Variants in LIFR observed in about 807,000 individuals in gnomAD.
The protein encoded by LIFR is LIF receptor subunit alpha.
A neutral mutation model predicts 122.2 loss-of-function variants in LIFR; 84 were observed. The observed-to-expected ratio is 0.69, with a 90% CI of 0.58 to 0.82. LIFR has a LOEUF of 0.82. Ranked by LOEUF, LIFR falls within the 40% of genes least tolerant of loss-of-function variation. The pLI is 0.00. For missense variants in LIFR, 1,294 were observed against 1,311.6 expected, an observed-to-expected ratio of 0.99 and a Z score of 0.21; for synonymous variants, 422 against 434.7, an observed-to-expected ratio of 0.97 and a Z score of 0.36.
At position 38,476,998 on chromosome 5, in the gene LIFR, T is replaced by C. The variant is rs1213279996; in HGVS notation, c.*4597A>G. The C allele has an allele frequency of 8.9e-6, 2 of 223,664 alleles. No homozygotes were observed. Among genetic ancestry groups the C allele is most frequent in the Non-Finnish European group, 1.8e-5 (2 of 112,202 alleles). The allele number at this position is 223,664 out of a possible 1,614,324, so 13.9% of individuals were successfully genotyped here. ...TATCATAATTACAAGGATCTGGATA[T>C]ATTCTAGACCAAATCACACTCCCTG... On this transcript the variant is annotated 3_prime_UTR_variant, in exon 20 of 20. Transcript: ENST00000453190.
Position 38,478,901 on chromosome 5 carries a change from A to T in LIFR, c.*2694T>A. On this transcript the variant is annotated 3_prime_UTR_variant, in exon 20 of 20. Coordinates refer to ENST00000453190, the MANE Select transcript of LIFR (RefSeq NM_001127671.2). ...AGTAAGGGCTGGAGAGAACACATCT[A>T]GCCTCTGCTTCTAACTAGTCCTTAA... The T allele has an allele frequency of 4.4e-6, 1 of 228,552 alleles. No individual in the cohort carries two copies. The highest frequency in any genetic ancestry group is 8.7e-6 in the Non-Finnish European group (1 of 115,026). The allele number at this position is 228,552 out of a possible 1,614,324, so 14.2% of individuals were successfully genotyped here. A position where few individuals can be genotyped will look rare whatever the true frequency, so the allele number is the denominator to read the frequency against.
chr5:38,491,972 G>A (rs1744617718), intron 14 of LIFR, among the ~76,000 whole-genome samples: 1 of 152,110 alleles, frequency 6.6e-6, no homozygotes. Flanking sequence ...TAAAAAAAGA[G>A]GCTGAGAAGG....
chr5:38,535,026 T>C (rs1277999390), intron 1 of LIFR, among the ~76,000 whole-genome samples: 2 of 152,208 alleles, frequency 1.3e-5, no homozygotes, highest in African/African-American at 4.8e-5. Context: ...ATGTATCACC[T>C]TCCGTGTACC....
chr5:38,482,295 C>A, intron 19 of LIFR, 77 bp from the exon 20 acceptor site: 1 of 1,401,532 alleles, frequency 7.1e-7, no homozygotes, highest in Non-Finnish European at 9.7e-7. Flanking sequence ...AAAAGGGACA[C>A]ATTTTTCCCC....
chr5:38,506,535 G>T lies in LIFR; in HGVS notation c.1089C>A (p.Gly363=), dbSNP rs1745494105. ...CTAAAGTGTAGCTTGTAGCACGTGG[G>T]CCCACCAACGCTGTCACCCTTCCTG... ...WNPGRVTALV[G]PRATSYTLVE... Residue 363 remains glycine (G), a synonymous_variant, in exon 8 of 20, where the codon GGC becomes GGA. Coordinates refer to ENST00000453190, the MANE Select transcript of LIFR (RefSeq NM_001127671.2). 1 of 1,613,768 alleles carries T rather than the reference G, an allele frequency of 6.2e-7. No homozygotes were observed. The highest frequency in any genetic ancestry group is 1.1e-5 in the South Asian group (1 of 91,066).
intron 1 of LIFR, among the ~76,000 whole-genome samples, chr5:38,535,038 A>C (rs1235965152): frequency 6.6e-6 from 1 of 152,220 alleles, no homozygotes; most frequent in Non-Finnish European, 1.5e-5. Context: ...CCGTGTACCC[A>C]TTCTCTGGAA....
At chr5:38,532,816 T>C (rs1037437740) in intron 1 of LIFR, among the ~76,000 whole-genome samples, 5 of 152,206 alleles carry the variant, frequency 3.3e-5, no homozygotes, top group African/African-American at 9.6e-5. Flanking sequence ...GTGATGCTTG[T>C]GAAGCTTTTC....
chr5:38,576,610 T>G (rs750111785), intron 1 of LIFR, among the ~76,000 whole-genome samples: 1 of 152,204 alleles, frequency 6.6e-6, no homozygotes, highest in Non-Finnish European at 1.5e-5. Flanking sequence ...AGCAAACAAC[T>G]ACAAATGCCA....
In LIFR at chr5:38,549,434, C is replaced by G. The variant is rs58227028; in HGVS notation, c.-20+6900G>C. Among the ~76,000 whole-genome samples, 687 of 152,252 alleles carry G rather than the reference C, an allele frequency of 4.5e-3. 7 individuals carry two copies. Among genetic ancestry groups the G allele is most frequent in the African/African-American group, 0.015 (639 of 41,538 alleles). On this transcript the variant is annotated intron_variant, in intron 1 of 19. Transcript: ENST00000453190. ...GGTATTCTATCACATGTATGCACCA[C>G]AATTCATTTAATGAGTCCCCCTATT...
Position 38,528,852 on chromosome 5 carries a change from A to G in LIFR, c.143-12T>C, listed in dbSNP as rs899849627. The G allele has an allele frequency of 6.5e-6, 3 of 459,890 alleles. No individual in the cohort carries two copies. The African/African-American group carries it at 7.6e-5, about 12-fold the overall frequency. 28.5% of individuals were successfully genotyped at this position (459,890 alleles called of 1,614,324 possible). ...ATCATGAGGAGCCCCTGGAGGAGAC[A>G]CACACACACACACACACACACACAC... On this transcript the variant is annotated splice_polypyrimidine_tract_variant and intron_variant, in intron 2 of 19. Transcript: ENST00000453190.
At chr5:38,597,457 G>A (rs956411314), upstream of LIFR, among the ~76,000 whole-genome samples, 13 of 152,200 alleles carry the variant, frequency 8.5e-5, no homozygotes, top group African/African-American at 3.1e-4. Flanking sequence ...GGAAAAATTA[G>A]TCACTGTAAT....
chr5:38,593,248 A>T (rs2112767913), intron 1 of LIFR, among the ~76,000 whole-genome samples: 1 of 152,172 alleles, frequency 6.6e-6, no homozygotes, highest in East Asian at 1.9e-4. Context: ...CAAAAAACAT[A>T]AAAAAGGCAG....
At chr5:38,605,618 T>G (rs538592152) in intron 2 of LIFR, among the ~76,000 whole-genome samples, 27 of 152,190 alleles carry the variant, frequency 1.8e-4, no homozygotes, top group Middle Eastern at 3.4e-3. Context: ...TGCCTCTCGT[T>G]CTATTCCTAA....
Position 38,537,792 on chromosome 5 carries a change from T to C in LIFR, c.-19-7126A>G, listed in dbSNP as rs73079415. On this transcript the variant is annotated intron_variant, in intron 1 of 19. Coordinates refer to ENST00000453190, the MANE Select transcript of LIFR (RefSeq NM_001127671.2). ...TTATAAGCTGTTTATTCTCTTTTGCTCCTTTTTCTAATTGGGCATTAATCA... is the reference window on the plus strand; with the variant it reads ...TTATAAGCTGTTTATTCTCTTTTGCCCCTTTTTCTAATTGGGCATTAATCA... Among the ~76,000 whole-genome samples the C allele has an allele frequency of 6.0e-3, 918 of 152,304 alleles. 11 individuals are homozygous for C. The highest frequency in any genetic ancestry group is 0.021 in the African/African-American group (854 of 41,564).
At chr5:38,496,234 G>GTAGA in intron 13 of LIFR, 148 bp downstream of exon 13, 1 of 707,982 alleles carries the variant, frequency 1.4e-6, no homozygotes. Context: ...TCAATGAACT[G>GTAGA]TAGACATCAA....
intron 12 of LIFR, among the ~76,000 whole-genome samples, chr5:38,496,815 A>C (rs952737766): frequency 2.0e-5 from 3 of 151,394 alleles, no homozygotes; most frequent in Non-Finnish European, 4.4e-5. Flanking sequence ...AGTCTCTCCC[A>C]AAAATACTAA....
rs1744717740 is a variant in LIFR at position 38,493,664 on chromosome 5, T to C, written c.2007A>G (p.Pro669=). 1.9e-6 allele frequency: 3 copies of C among 1,614,216 alleles called. No homozygotes were observed. The highest frequency in any genetic ancestry group is 2.5e-6 in the Non-Finnish European group (3 of 1,180,036). ...IKWCNSSRSE[P]CLMDWRKVPS... is the part of the protein sequence containing the mutation. ...GAACTTTTCTCCAGTCCATAAGGCA[T>C]GGTTCCGACCGAGACGAGTTACACC... The change falls in exon 14 of 20, where the codon CCA becomes CCG. Residue 669 remains proline, a synonymous_variant. Coordinates refer to ENST00000453190, the MANE Select transcript of LIFR (RefSeq NM_001127671.2).
chr5:38,604,751 A>T (rs893620101), intron 2 of LIFR, among the ~76,000 whole-genome samples: 3 of 151,766 alleles, frequency 2.0e-5, no homozygotes, highest in Admixed American at 1.3e-4. Context: ...GATGAAGGAC[A>T]CCCCATGGCA....
At chr5:38,531,176 G>C (rs887868206) in intron 1 of LIFR, among the ~76,000 whole-genome samples, 7 of 152,136 alleles carry the variant, frequency 4.6e-5, no homozygotes, top group African/African-American at 1.7e-4. Flanking sequence ...GAAAAAACTA[G>C]GGTAACAGTA....
Sources: allele counts gnomAD v4.1 joint callset (sites outside exome capture counted in the v4.1 genomes callset), GRCh38; gene constraint gnomAD v4.1.1; transcripts MANE v1.5; gene names NCBI Gene and HGNC (gene_info 2026-07-23, HGNC 2026-07-21).